RABGAP1L: variants seen among roughly 807,000 people sequenced by gnomAD.
RABGAP1L encodes rab GTPase-activating protein 1-like.
Under a neutral mutation model 137.7 loss-of-function variants are expected in RABGAP1L, and 63 were observed. The observed-to-expected ratio is 0.46, with a 90% confidence interval of 0.37 to 0.56. The LOEUF is 0.56. Ranked by LOEUF, RABGAP1L falls within the 20% of genes least tolerant of loss-of-function variation. The pLI, the probability that RABGAP1L is intolerant of heterozygous loss-of-function variation, is 0.00. For missense variants in RABGAP1L, 1,095 were observed against 1,244.0 expected (o/e 0.88, Z 1.80); for synonymous variants, 431 against 433.7 (o/e 0.99, Z 0.08).
chr1:174,505,805 T>C (rs1366811707), intron 13 of RABGAP1L, among the ~76,000 whole-genome samples: 1 of 152,138 alleles, frequency 6.6e-6, no homozygotes, highest in Admixed American at 6.6e-5. Flanking sequence ...TGGGTATATA[T>C]CCAAAGGAAA....
intron 19 of RABGAP1L, among the ~76,000 whole-genome samples, chr1:174,866,110 G>GGA (rs34712612): frequency 0.052 from 3,420 of 65,756 alleles, 219 homozygotes; most frequent in Non-Finnish European, 0.064. Flanking sequence ...GGAGGGAGGG[G>GGA]GAGAGAGAGA....
chr1:174,777,831 A>G (rs995813520), intron 18 of RABGAP1L, among the ~76,000 whole-genome samples: 3 of 152,176 alleles, frequency 2.0e-5, no homozygotes, highest in African/African-American at 7.2e-5. Context: ...AGCAATTGAA[A>G]CTATTCAAAA....
intron 5 of RABGAP1L, among the ~76,000 whole-genome samples, chr1:174,249,157 G>A (rs996628024): frequency 1.2e-4 from 18 of 152,182 alleles, no homozygotes; most frequent in African/African-American, 4.3e-4. Flanking sequence ...ATATATGTAT[G>A]TATAAAAGTA....
At chr1:174,315,895 A>G (rs1679334484) in intron 11 of RABGAP1L, among the ~76,000 whole-genome samples, 1 of 152,080 alleles carries the variant, frequency 6.6e-6, no homozygotes, top group Non-Finnish European at 1.5e-5. Context: ...GAGCCTTTTT[A>G]AAGATCCTGT....
chr1:174,909,134 G>A (rs958962717), intron 19 of RABGAP1L, among the ~76,000 whole-genome samples: 26 of 147,738 alleles, frequency 1.8e-4, no homozygotes, highest in African/African-American at 6.0e-4. Flanking sequence ...AGCCAAGATC[G>A]CGCCACTCTA....
At chr1:174,629,586 G>C (rs1409122888) in intron 13 of RABGAP1L, among the ~76,000 whole-genome samples, 1 of 151,968 alleles carries the variant, frequency 6.6e-6, no homozygotes, top group Non-Finnish European at 1.5e-5. Flanking sequence ...CCAGTGGCAC[G>C]ATCTCGGCTC....
intron 13 of RABGAP1L, among the ~76,000 whole-genome samples, chr1:174,410,643 G>A (rs1396677462): frequency 6.6e-6 from 1 of 152,064 alleles, no homozygotes; most frequent in African/African-American, 2.4e-5. Flanking sequence ...GGTTACTGTA[G>A]CCTTATATAT....
At chr1:174,625,387 C>A (rs1672871887) in intron 13 of RABGAP1L, among the ~76,000 whole-genome samples, 1 of 152,074 alleles carries the variant, frequency 6.6e-6, no homozygotes, top group Non-Finnish European at 1.5e-5. Context: ...ATTCAGCAAA[C>A]AGAAAGCTTA....
At chr1:174,895,973 G>A (rs1002888426) in intron 19 of RABGAP1L, among the ~76,000 whole-genome samples, 5 of 152,186 alleles carry the variant, frequency 3.3e-5, no homozygotes, top group African/African-American at 1.2e-4. Flanking sequence ...TGGGATGTCT[G>A]GGTCAAATGG....
At chr1:174,165,930 G>A (rs771871842) in intron 1 of RABGAP1L, among the ~76,000 whole-genome samples, 4 of 152,208 alleles carry the variant, frequency 2.6e-5, no homozygotes, top group Non-Finnish European at 5.9e-5. Context: ...GGAAAAATGA[G>A]TAGTGAAAGA....
chr1:174,211,666 T>C (rs1010111559), intron 1 of RABGAP1L, among the ~76,000 whole-genome samples: 1 of 152,128 alleles, frequency 6.6e-6, no homozygotes, highest in Non-Finnish European at 1.5e-5. Flanking sequence ...AACTCTCCAA[T>C]GAAAGGATAC....
At chr1:174,867,668 CAG>C (rs1279624582) in intron 19 of RABGAP1L, among the ~76,000 whole-genome samples, 5 of 152,092 alleles carry the variant, frequency 3.3e-5, no homozygotes, top group African/African-American at 1.2e-4. Flanking sequence ...TTATCTGAGA[CAG>C]AGTCTTGCTC....
chr1:174,886,081 T>A (rs960449873), intron 19 of RABGAP1L, among the ~76,000 whole-genome samples: 1 of 148,168 alleles, frequency 6.7e-6, no homozygotes, highest in African/African-American at 2.5e-5. Flanking sequence ...TGGCATGACC[T>A]CAGCTCACTG....
At chr1:174,909,873 C>G (rs1659771108) in intron 19 of RABGAP1L, among the ~76,000 whole-genome samples, 1 of 152,262 alleles carries the variant, frequency 6.6e-6, no homozygotes, top group African/African-American at 2.4e-5. Flanking sequence ...GGTGTGGTGG[C>G]TCATGCCTGT....
chr1:174,767,222 A>G (rs1685739005), intron 18 of RABGAP1L, among the ~76,000 whole-genome samples: 1 of 152,182 alleles, frequency 6.6e-6, no homozygotes, highest in Admixed American at 6.5e-5. Context: ...GTCATGGGCC[A>G]TTGGTCATTT....
chr1:174,552,574 A>G (rs868005784), intron 13 of RABGAP1L, among the ~76,000 whole-genome samples: 5 of 152,228 alleles, frequency 3.3e-5, no homozygotes, highest in Middle Eastern at 3.4e-3. Flanking sequence ...GATAAAAAAG[A>G]ATGAGATCCT....
At position 174,522,412 on chromosome 1, in the gene RABGAP1L, A is replaced by T. The variant is rs570175989; in HGVS notation, c.1711-114963A>T. Among the ~76,000 whole-genome samples, 598 of 152,216 alleles carry T rather than the reference A, an allele frequency of 3.9e-3. 6 individuals carry two copies. Among genetic ancestry groups the T allele is most frequent in the African/African-American group, 0.014 (564 of 41,552 alleles). ...GGCTATATGGCGAAACCCCATCTCT[A>T]CAAAAACTTAGCTGGGCATGGTGGC... On this transcript the variant is annotated intron_variant, in intron 13 of 25. Transcript: ENST00000681986.
In RABGAP1L at chr1:174,845,942, G is replaced by C. The variant is rs555559911; in HGVS notation, c.2340+33982G>C. Among the ~76,000 whole-genome samples, 367 of 136,140 alleles carry C rather than the reference G, an allele frequency of 2.7e-3. 3 individuals carry two copies. Among genetic ancestry groups the C allele is most frequent in the African/African-American group, 9.9e-3 (358 of 36,124 alleles). 89.3% of individuals were successfully genotyped at this position (136,140 alleles called of 152,430 possible). A position where few individuals can be genotyped will look rare whatever the true frequency, so the allele number is the denominator to read the frequency against. On this transcript the variant is annotated intron_variant, in intron 19 of 25. Transcript: ENST00000681986. ...CTATTCAGAGATTCAACTTCTTCCT[G>C]GTTTAGTCTTGGGAGAGTGTATGTG...
chr1:174,989,598 G>A (rs1397926890), intron 25 of RABGAP1L, among the ~76,000 whole-genome samples: 1 of 151,948 alleles, frequency 6.6e-6, no homozygotes, highest in Non-Finnish European at 1.5e-5. Context: ...GACCTAACTT[G>A]CAGGGAAAAA....
Sources: gnomAD v4.1 joint callset for allele counts (sites outside exome capture counted in the v4.1 genomes callset) on GRCh38, gnomAD v4.1.1 for gene constraint, MANE v1.5 for transcripts, NCBI Gene and HGNC (gene_info 2026-07-23, HGNC 2026-07-21) for gene names.